PIK3CB: variants seen among roughly 807,000 people sequenced by gnomAD.
The protein encoded by PIK3CB is phosphatidylinositol 4,5-bisphosphate 3-kinase catalytic subunit beta isoform.
Under a neutral mutation model 136.8 loss-of-function variants are expected in PIK3CB, and 39 were observed. The observed-to-expected ratio is 0.29, with a 90% CI of 0.22 to 0.37. The LOEUF (loss-of-function observed/expected upper bound fraction) is 0.37. Ranked by LOEUF, PIK3CB falls within the 10% of genes least tolerant of loss-of-function variation. PIK3CB has a pLI of 1.00. For missense variants in PIK3CB, 868 were observed against 1,275.4 expected, an observed-to-expected ratio of 0.68 and a Z score of 4.87; for synonymous variants, 428 against 436.6, an observed-to-expected ratio of 0.98 and a Z score of 0.25.
rs192831845 is a variant in PIK3CB, at chr3:138,787,189, T to C, written c.-17+9274A>G. On this transcript the variant is annotated intron_variant, in intron 2 of 23. Transcript: ENST00000674063. ...TAAACTATACCACTCTGTTTACTCATAGTGTTCACATAACATAAGAAGCTC... is the reference window on the plus strand; with the variant it reads ...TAAACTATACCACTCTGTTTACTCACAGTGTTCACATAACATAAGAAGCTC... 1.1e-3 allele frequency among the ~76,000 whole-genome samples: 171 copies of C among 152,202 alleles called. No homozygotes were observed. The South Asian group carries it at 0.013, about 12-fold the overall frequency.
At chr3:138,709,801 G>A (rs1224023051) in intron 10 of PIK3CB, among the ~76,000 whole-genome samples, 1 of 152,126 alleles carries the variant, frequency 6.6e-6, no homozygotes, top group African/African-American at 2.4e-5. Context: ...ACATGTGTGA[G>A]TCTAAATTAA....
intron 19 of PIK3CB, among the ~76,000 whole-genome samples, chr3:138,666,850 T>C (rs1182937801): frequency 6.6e-6 from 1 of 152,074 alleles, no homozygotes; most frequent in African/African-American, 2.4e-5. Flanking sequence ...AAATGTACAA[T>C]GTGCATGTGT....
At chr3:138,716,830 G>C (rs1029656515) in intron 8 of PIK3CB, among the ~76,000 whole-genome samples, 2 of 136,344 alleles carry the variant, frequency 1.5e-5, no homozygotes, top group African/African-American at 5.5e-5. Context: ...CAGGAGGCGG[G>C]TTGCAGTGAG....
intron 12 of PIK3CB, 93 bp downstream of exon 12, chr3:138,704,350 C>T (rs186004347): frequency 5.0e-5 from 43 of 868,048 alleles, no homozygotes; most frequent in African/African-American, 1.8e-4. Flanking sequence ...ATATGAGTTA[C>T]GGTCTTCTGT....
chr3:138,739,053 C>T (rs2045179170), intron 5 of PIK3CB, among the ~76,000 whole-genome samples: 1 of 152,114 alleles, frequency 6.6e-6, no homozygotes, highest in East Asian at 1.9e-4. Flanking sequence ...TATGTAGAAA[C>T]CTAATCTCTA....
At chr3:138,832,064 T>C (rs1233057065) in intron 1 of PIK3CB, among the ~76,000 whole-genome samples, 1 of 152,224 alleles carries the variant, frequency 6.6e-6, no homozygotes, top group Non-Finnish European at 1.5e-5. Context: ...AGTTCTACTG[T>C]TGAGTTCAAC....
chr3:138,658,019 C>T (rs1465507111), intron 21 of PIK3CB, among the ~76,000 whole-genome samples, 184 bp from the exon 22 acceptor site: 1 of 152,074 alleles, frequency 6.6e-6, no homozygotes, highest in African/African-American at 2.4e-5. Context: ...AAGACTTTTA[C>T]AATCAATAAT....
At chr3:138,793,253 G>A (rs2046073287) in intron 2 of PIK3CB, among the ~76,000 whole-genome samples, 1 of 152,202 alleles carries the variant, frequency 6.6e-6, no homozygotes, top group Non-Finnish European at 1.5e-5. Context: ...TTCTGAGGAG[G>A]TGACATTAAG....
At chr3:138,800,943 A>G (rs748662996) in intron 1 of PIK3CB, among the ~76,000 whole-genome samples, 1 of 152,056 alleles carries the variant, frequency 6.6e-6, no homozygotes, top group Non-Finnish European at 1.5e-5. Flanking sequence ...TAACTTTTCT[A>G]TTAATTCTGA....
intron 12 of PIK3CB, 59 bp from the exon 13 acceptor site, chr3:138,699,154 C>A: frequency 1.7e-6 from 1 of 592,812 alleles, no homozygotes; most frequent in Non-Finnish European, 2.6e-6. Context: ...AGCGAACTTT[C>A]AGTAAATTTA....
chr3:138,760,007 C>T (rs1166365124), intron 2 of PIK3CB, among the ~76,000 whole-genome samples: 1 of 151,934 alleles, frequency 6.6e-6, no homozygotes, highest in African/African-American at 2.4e-5. Context: ...CTGCAAGCTC[C>T]GCCTCCCAGT....
At chr3:138,825,290 T>C (rs1933733865) in intron 1 of PIK3CB, 1 of 480,132 alleles carries the variant, frequency 2.1e-6, no homozygotes, top group Non-Finnish European at 3.8e-6. Flanking sequence ...CTGTTCTGAT[T>C]GTTGCTGCTG....
At chr3:138,661,601 T>G (rs1421332342) in intron 21 of PIK3CB, among the ~76,000 whole-genome samples, 1 of 152,262 alleles carries the variant, frequency 6.6e-6, no homozygotes, top group African/African-American at 2.4e-5. Context: ...TTAATGTGAT[T>G]GGACGGAAGT....
intron 2 of PIK3CB, among the ~76,000 whole-genome samples, chr3:138,775,076 C>T (rs2045842092): frequency 6.6e-6 from 1 of 152,194 alleles, no homozygotes; most frequent in Non-Finnish European, 1.5e-5. Context: ...GCTTTCATTT[C>T]TCCCTCACTA....
intron 4 of PIK3CB, among the ~76,000 whole-genome samples, chr3:138,748,156 TACACACACACACACACACACACACAC>T (rs3071146): frequency 7.0e-6 from 1 of 142,894 alleles, no homozygotes; most frequent in African/African-American, 2.6e-5. Flanking sequence ...TTAGAAATCA[TACACACACACACACACACACACACAC>T]ACACACACAC....
chr3:138,786,666 T>C (rs1323422118), intron 2 of PIK3CB, among the ~76,000 whole-genome samples: 1 of 152,176 alleles, frequency 6.6e-6, no homozygotes, highest in African/African-American at 2.4e-5. Flanking sequence ...TTTTAAATAC[T>C]ATAAGTTTTA....
intron 8 of PIK3CB, among the ~76,000 whole-genome samples, chr3:138,722,071 A>G (rs896154994): frequency 1.3e-5 from 2 of 151,964 alleles, no homozygotes; most frequent in Non-Finnish European, 2.9e-5. Context: ...ACATCAAAAA[A>G]TTAATCACAC....
intron 1 of PIK3CB, among the ~76,000 whole-genome samples, chr3:138,820,452 G>C (rs975316018): frequency 1.3e-5 from 2 of 152,144 alleles, no homozygotes; most frequent in African/African-American, 4.8e-5. Context: ...CATTTATGTG[G>C]TAAAATGATT....
At chr3:138,672,943 A>G (rs7637913) in intron 19 of PIK3CB, among the ~76,000 whole-genome samples, 6,396 of 150,524 alleles carry the variant, frequency 0.042, 452 homozygotes, top group African/African-American at 0.14. Context: ...GAGAGAGAGA[A>G]AGAGATGAAA....
Sources: gnomAD v4.1 joint callset for allele counts (sites outside exome capture counted in the v4.1 genomes callset) on GRCh38, gnomAD v4.1.1 for gene constraint, MANE v1.5 for transcripts, NCBI Gene and HGNC (gene_info 2026-07-23, HGNC 2026-07-21) for gene names.